Variants in NFATC2 observed in about 807,000 individuals in gnomAD.
NFATC2 encodes the protein nuclear factor of activated T cells 2.
NFATC2 carries 22 observed loss-of-function variants against 87.3 expected under a neutral mutation model. The observed-to-expected ratio is 0.25, with a 90% CI of 0.18 to 0.36. The LOEUF (loss-of-function observed/expected upper bound fraction) is 0.36, where lower values mean the gene tolerates loss of function less well. Ranked by LOEUF, NFATC2 falls within the 10% of genes least tolerant of loss-of-function variation. NFATC2 has a pLI of 1.00. For missense variants in NFATC2, 1,149 were observed against 1,259.1 expected (o/e 0.91, Z 1.32); for synonymous variants, 565 against 542.2 (o/e 1.04, Z -0.58).
chr20:51,528,829 A>AAGTCCC (rs1301228321), intron 1 of NFATC2, among the ~76,000 whole-genome samples: 1 of 152,174 alleles, frequency 6.6e-6, no homozygotes, highest in Non-Finnish European at 1.5e-5. Context: ...GACTTTGGAA[A>AAGTCCC]AGTCCCCCAC....
intron 1 of NFATC2, among the ~76,000 whole-genome samples, chr20:51,558,902 T>C (rs2076999630): frequency 6.6e-6 from 1 of 152,206 alleles, no homozygotes; most frequent in Admixed American, 6.5e-5. Flanking sequence ...TCTTGGATAG[T>C]AGCAATGTTA....
At position 51,472,495 on chromosome 20, in the gene NFATC2, A is replaced by G. The variant is rs930476654; in HGVS notation, c.1708+1485T>C. On this transcript the variant is annotated intron_variant, in intron 5 of 10. Coordinates refer to ENST00000371564, the MANE Select transcript of NFATC2 (RefSeq NM_012340.5). ...TAAAATGTCCAGCAAAAAGGAAAAAAAATCCTGAACCATAATTTAATATGG... is the reference window on the plus strand; with the variant it reads ...TAAAATGTCCAGCAAAAAGGAAAAAGAATCCTGAACCATAATTTAATATGG... 1.5e-4 allele frequency among the ~76,000 whole-genome samples: 23 copies of G among 152,166 alleles called. 1 individual carries two copies.
At chr20:51,501,051 G>A (rs1033888425) in intron 3 of NFATC2, among the ~76,000 whole-genome samples, 3 of 151,186 alleles carry the variant, frequency 2.0e-5, no homozygotes, top group African/African-American at 7.3e-5. Flanking sequence ...GAGGAACCAA[G>A]TTCCCAACCT....
intron 1 of NFATC2, among the ~76,000 whole-genome samples, chr20:51,559,693 T>G (rs2077005550): frequency 6.6e-6 from 1 of 152,204 alleles, no homozygotes; most frequent in Non-Finnish European, 1.5e-5. Flanking sequence ...AATGATAAAT[T>G]TATGTTTGCC....
rs1406251772 is a variant in NFATC2 at position 51,432,241 on chromosome 20, T to C, written c.2548A>G (p.Ser850Gly). The change falls in exon 9 of 11, where the codon AGT becomes GGT. Residue 850 changes from serine to glycine, a missense_variant. By Grantham distance (56) the Ser-to-Gly change is moderately conservative (BLOSUM62 0). Transcript: ENST00000371564. The surrounding 1 kb of genome is among the most constrained non-coding windows in gnomAD (Gnocchi z 4.6). ...GTTRPGPPPV[S>G]QGQRLSPGSY... ...CCCGGGCTCAGCCTCTGACCTTGAC[T>C]GACCGGGGGCGGGCCAGGTCTGGTG... The C allele has an allele frequency of 3.1e-6, 5 of 1,614,200 alleles. No homozygotes were observed. In the East Asian group the frequency reaches 8.9e-5, roughly 29 times the overall value.
chr20:51,488,313 T>C (rs377122271), intron 3 of NFATC2, among the ~76,000 whole-genome samples: 16 of 152,320 alleles, frequency 1.1e-4, no homozygotes, highest in Admixed American at 5.2e-4. Context: ...ATTTAAGACA[T>C]TGGAGTAAGA....
chr20:51,494,646 C>T (rs1600867404), intron 3 of NFATC2, among the ~76,000 whole-genome samples: 1 of 152,144 alleles, frequency 6.6e-6, no homozygotes, highest in Non-Finnish European at 1.5e-5. Context: ...TAAACAAGGC[C>T]GCGGCTCAGT....
At chr20:51,402,386 C>T (rs1988138001) in intron 9 of NFATC2, among the ~76,000 whole-genome samples, 2 of 152,118 alleles carry the variant, frequency 1.3e-5, no homozygotes, top group African/African-American at 4.8e-5. Flanking sequence ...ACTTCCTTGT[C>T]CTTCAGCCAG....
chr20:51,398,614 CAAA>C, intron 10 of NFATC2, 26 bp downstream of exon 10: 1 of 1,502,824 alleles, frequency 6.7e-7, no homozygotes, highest in Admixed American at 2.1e-5. Context: ...AGCTGGAAAA[CAAA>C]AGGAGAAGCA....
At position 51,480,425 on chromosome 20, in the gene NFATC2, G is replaced by A. The variant is rs1337142200; in HGVS notation, c.1333-4765C>T. The stretch of plus-strand genomic sequence containing the variant: ...ACAAACAAAAACGGTAGTTCCTTGA[G>A]AGAAAAACCTCTTTAGGAAAGCCAA... On this transcript the variant is annotated intron_variant, in intron 3 of 10. Transcript: ENST00000371564. The surrounding 1 kb of genome is among the most constrained non-coding windows in gnomAD (Gnocchi z 4.2). Among the ~76,000 whole-genome samples the A allele has an allele frequency of 1.3e-5, 2 of 152,170 alleles. No individual in the cohort carries two copies. Among genetic ancestry groups the A allele is most frequent in the African/African-American group, 4.8e-5 (2 of 41,444 alleles).
intron 3 of NFATC2, among the ~76,000 whole-genome samples, chr20:51,484,461 G>A (rs6067794): frequency 0.18 from 27,633 of 152,142 alleles, 2,592 homozygotes; most frequent in South Asian, 0.25. Flanking sequence ...TGTCAGTCCC[G>A]TGGGGGCAGC....
chr20:51,515,278 G>A (rs1287141133), intron 3 of NFATC2, among the ~76,000 whole-genome samples: 1 of 152,220 alleles, frequency 6.6e-6, no homozygotes, highest in Middle Eastern at 3.2e-3. Context: ...GAGACTAAGA[G>A]TGCAGCGGAG....
At chr20:51,466,212 C>T (rs1299567102) in intron 5 of NFATC2, among the ~76,000 whole-genome samples, 1 of 152,162 alleles carries the variant, frequency 6.6e-6, no homozygotes, top group African/African-American at 2.4e-5. Context: ...ACCACCACAC[C>T]TGGCTAACTT....
intron 1 of NFATC2, among the ~76,000 whole-genome samples, chr20:51,533,679 C>T (rs919010191): frequency 7.2e-5 from 11 of 152,232 alleles, no homozygotes; most frequent in African/African-American, 2.7e-4. Flanking sequence ...AAGAAGGACT[C>T]AGTGGTGCCT....
intron 9 of NFATC2, among the ~76,000 whole-genome samples, chr20:51,428,532 A>C (rs1188862738): frequency 1.3e-5 from 2 of 152,268 alleles, no homozygotes; most frequent in Non-Finnish European, 1.5e-5. Context: ...GCAGGAATGC[A>C]GGCGGGAAGG....
intron 9 of NFATC2, among the ~76,000 whole-genome samples, chr20:51,421,599 G>C (rs1980932198): frequency 6.6e-6 from 1 of 152,238 alleles, no homozygotes; most frequent in South Asian, 2.1e-4. Context: ...CCAACTAAAG[G>C]AAGTAGCCTC....
chr20:51,559,687 A>G (rs2146849189), intron 1 of NFATC2, among the ~76,000 whole-genome samples: 1 of 152,358 alleles, frequency 6.6e-6, no homozygotes, highest in East Asian at 1.9e-4. Flanking sequence ...CCAGTCAATG[A>G]TAAATTTATG....
chr20:51,527,299 G>T (rs2076560626), intron 1 of NFATC2, among the ~76,000 whole-genome samples: 2 of 151,994 alleles, frequency 1.3e-5, no homozygotes, highest in African/African-American at 4.8e-5. Context: ...CCACTGCCAG[G>T]CCCCCTTCTC....
At chr20:51,453,754 T>C (rs1330085549) in intron 6 of NFATC2, among the ~76,000 whole-genome samples, 1 of 152,194 alleles carries the variant, frequency 6.6e-6, no homozygotes, top group Non-Finnish European at 1.5e-5. Context: ...AATGATTCCT[T>C]TTTAATTTAA....
Sources: allele counts gnomAD v4.1 joint callset (sites outside exome capture counted in the v4.1 genomes callset), GRCh38; gene constraint gnomAD v4.1.1; non-coding constraint Gnocchi (gnomAD v3.1); transcripts MANE v1.5; gene names NCBI Gene and HGNC (gene_info 2026-07-23, HGNC 2026-07-21).